The following SORCS2 variants were observed in gnomAD, a reference collection of about 807,000 sequenced individuals.
The protein encoded by SORCS2 is sortilin related VPS10 domain containing receptor 2.
A neutral mutation model predicts 141.6 loss-of-function variants in SORCS2; 100 were observed. That is an observed-to-expected ratio of 0.71 (90% CI 0.60 to 0.83). The LOEUF (loss-of-function observed/expected upper bound fraction) is 0.83. Ranked by LOEUF, SORCS2 falls within the 40% of genes least tolerant of loss-of-function variation. The probability of loss-of-function intolerance (pLI) is 0.00; values close to 1 mark genes in which losing one functional copy is unlikely to be tolerated. For synonymous variants in SORCS2, 789 were observed against 676.9 expected (o/e 1.17, Z -2.57); for missense variants, 1,646 against 1,560.2 (o/e 1.05, Z -0.93).
chr4:7,588,315 A>C (rs539634887), intron 3 of SORCS2, among the ~76,000 whole-genome samples: 35 of 152,284 alleles, frequency 2.3e-4, no homozygotes, highest in Non-Finnish European at 4.0e-4. Context: ...TGGAACTTTC[A>C]TGCGGTTGTT....
At position 7,560,969 on chromosome 4, in the gene SORCS2, T is replaced by C. The variant is rs538850296; in HGVS notation, c.648+29340T>C. Among the ~76,000 whole-genome samples, 7 of 152,242 alleles carry C rather than the reference T, an allele frequency of 4.6e-5. No homozygotes were observed. In the South Asian group the frequency reaches 8.3e-4, roughly 18 times the overall value. On this transcript the variant is annotated intron_variant, in intron 3 of 26. Transcript: ENST00000507866. ...CTTGTCCATGGCTGCAGAAGCAAGA[T>C]GGAGCTTGCCGCCATATTTGGGGAC...
At chr4:7,215,871 C>G (rs1178442472) in intron 1 of SORCS2, among the ~76,000 whole-genome samples, 1 of 152,152 alleles carries the variant, frequency 6.6e-6, no homozygotes, top group African/African-American at 2.4e-5. Context: ...AATCAGCACC[C>G]TGTCAAAACA....
At chr4:7,521,610 A>G (rs543579909) in intron 2 of SORCS2, among the ~76,000 whole-genome samples, 22 of 152,272 alleles carry the variant, frequency 1.4e-4, no homozygotes, top group African/African-American at 4.3e-4. Flanking sequence ...CTCATCTCAC[A>G]GCACAGACCT....
chr4:7,664,401 T>C lies in SORCS2; in HGVS notation c.1001T>C (p.Leu334Pro). Residue 334 changes from leucine (L) to proline (P), a missense_variant, in exon 7 of 27, where the codon CTG (leucine) becomes CCG (proline). Physicochemically the swap from Leu to Pro is moderately conservative, Grantham distance 98 (BLOSUM62 -3). Transcript: ENST00000507866. The surrounding 1 kb of genome is among the most constrained non-coding windows in gnomAD (Gnocchi z 4.7). ...ATCCACAATTGCTCCGAGAAGATGC[T>C]GACAGCCCCATTCGCAGGCCCCATT... ...CAIHNCSEKM[L>P]TAPFAGPIDH... 6.2e-7 allele frequency: 1 copy of C among 1,613,892 alleles called. No homozygotes were observed. The highest frequency in any genetic ancestry group is 8.5e-7 in the Non-Finnish European group (1 of 1,179,850).
chr4:7,653,786 C>T (rs1039400258), intron 4 of SORCS2, among the ~76,000 whole-genome samples: 3 of 152,224 alleles, frequency 2.0e-5, no homozygotes, highest in African/African-American at 4.8e-5. Flanking sequence ...CCTGGCAACA[C>T]GTGGCTCCTT....
At chr4:7,498,011 G>A (rs1731736322) in intron 2 of SORCS2, among the ~76,000 whole-genome samples, 1 of 152,232 alleles carries the variant, frequency 6.6e-6, no homozygotes, top group Non-Finnish European at 1.5e-5. Context: ...TGTTTCCCTG[G>A]GCTTGGAGAT....
At chr4:7,448,707 T>A (rs1487278550) in intron 2 of SORCS2, among the ~76,000 whole-genome samples, 1 of 122,172 alleles carries the variant, frequency 8.2e-6, no homozygotes, top group Non-Finnish European at 1.7e-5. Flanking sequence ...TGCCTTCCTC[T>A]CCCCTCCCTT....
intron 18 of SORCS2, 64 bp from the exon 19 acceptor site, chr4:7,723,633 G>C: frequency 1.3e-6 from 2 of 1,559,864 alleles, no homozygotes; most frequent in South Asian, 1.1e-5. Flanking sequence ...GTGAGTGAAT[G>C]AACCACTCTG....
intron 3 of SORCS2, among the ~76,000 whole-genome samples, chr4:7,562,800 C>T (rs1714695616): frequency 6.6e-6 from 1 of 152,138 alleles, no homozygotes; most frequent in African/African-American, 2.4e-5. Flanking sequence ...TCTTCTTGGC[C>T]ACCCCACTCC....
chr4:7,482,383 C>T (rs62277654), intron 2 of SORCS2, among the ~76,000 whole-genome samples: 165 of 42,738 alleles, frequency 3.9e-3, no homozygotes, highest in African/African-American at 6.8e-3. Flanking sequence ...GTATCCCCAC[C>T]GCGGACACCC....
intron 2 of SORCS2, among the ~76,000 whole-genome samples, chr4:7,520,991 T>C (rs1733292875): frequency 6.6e-6 from 1 of 152,254 alleles, no homozygotes; most frequent in African/African-American, 2.4e-5. Context: ...AAGACAAGCC[T>C]GGAGCCACTG....
At chr4:7,570,995 T>C (rs374928468) in intron 3 of SORCS2, among the ~76,000 whole-genome samples, 3 of 152,102 alleles carry the variant, frequency 2.0e-5, no homozygotes, top group African/African-American at 7.2e-5. Flanking sequence ...GCGCAGCCAC[T>C]CTCCAAGGAA....
In SORCS2 at chr4:7,641,163, A is replaced by G. The variant is rs79800322; in HGVS notation, c.813+2671A>G. Among the ~76,000 whole-genome samples, 264 of 152,292 alleles carry G rather than the reference A, an allele frequency of 1.7e-3. 1 individual carries two copies. Among genetic ancestry groups the G allele is most frequent in the African/African-American group, 6.0e-3 (251 of 41,562 alleles). ...CCTCTCTTTCTCAACACTGATCACAATGGGTATCTATTAGCCCATTGTCAC... is the reference window on the plus strand; with the variant it reads ...CCTCTCTTTCTCAACACTGATCACAGTGGGTATCTATTAGCCCATTGTCAC... On this transcript the variant is annotated intron_variant, in intron 4 of 26. Coordinates refer to ENST00000507866, the MANE Select transcript of SORCS2 (RefSeq NM_020777.3).
rs1185231322 is a variant in SORCS2 at position 7,192,972 on chromosome 4, C to T, written c.326C>T (p.Ala109Val). The T allele has an allele frequency of 3.6e-6, 5 of 1,384,266 alleles. No homozygotes were observed. Among genetic ancestry groups the T allele is most frequent in the South Asian group, 3.3e-5 (2 of 61,388 alleles). 85.7% of individuals were successfully genotyped at this position (1,384,266 alleles called of 1,614,324 possible). A position where few individuals can be genotyped will look rare whatever the true frequency, so the allele number is the denominator to read the frequency against. Residue 109 changes from alanine (A) to valine (V), a missense_variant, in exon 1 of 27, where the codon GCC (alanine) becomes GTC (valine). Transcript: ENST00000507866. The surrounding 1 kb of genome is among the most constrained non-coding windows in gnomAD (Gnocchi z 4.0). ...GCTCCTGGTCCCGGCGAGGACGGCG[C>T]CCCCGCCGCGGGCTACCGGCGCTGG... ...GPAPGPGEDG[A>V]PAAGYRRWER...
chr4:7,735,289 G>T (rs1446678720), intron 25 of SORCS2: 1 of 154,310 alleles, frequency 6.5e-6, no homozygotes, highest in Non-Finnish European at 1.5e-5. Context: ...TGGAGCCTCG[G>T]GCCCTTCCCC....
chr4:7,599,860 G>A (rs1717542739), intron 3 of SORCS2, among the ~76,000 whole-genome samples: 1 of 148,710 alleles, frequency 6.7e-6, no homozygotes, highest in Non-Finnish European at 1.5e-5. Context: ...GTCTTGCTGT[G>A]TCACCCAGGC....
intron 2 of SORCS2, among the ~76,000 whole-genome samples, chr4:7,469,295 T>TGAC (rs1729828875): frequency 1.3e-5 from 2 of 152,116 alleles, no homozygotes; most frequent in South Asian, 4.2e-4. Context: ...ATGATGATGA[T>TGAC]GACAATGATG....
intron 11 of SORCS2, among the ~76,000 whole-genome samples, chr4:7,691,074 C>G (rs1724214525): frequency 1.3e-5 from 2 of 152,224 alleles, no homozygotes; most frequent in Non-Finnish European, 2.9e-5. Flanking sequence ...AGACACTGAA[C>G]AGCAGAGGCA....
chr4:7,653,557 A>G (rs1359216364), intron 4 of SORCS2, among the ~76,000 whole-genome samples: 3 of 152,198 alleles, frequency 2.0e-5, no homozygotes, highest in Non-Finnish European at 4.4e-5. Flanking sequence ...AGACACAATT[A>G]TTAAGAAGTT....
Sources: allele counts gnomAD v4.1 joint callset (sites outside exome capture counted in the v4.1 genomes callset), GRCh38; gene constraint gnomAD v4.1.1; non-coding constraint Gnocchi (gnomAD v3.1); transcripts MANE v1.5; gene names NCBI Gene and HGNC (gene_info 2026-07-23, HGNC 2026-07-21).